The following SORCS2 variants were observed in gnomAD, a reference collection of about 807,000 sequenced individuals.
SORCS2 encodes the protein VPS10 domain-containing receptor SorCS2.
Under a neutral mutation model 141.6 loss-of-function variants are expected in SORCS2, and 100 were observed. The ratio of observed to expected loss-of-function variants is 0.71; its 90% CI spans 0.60 to 0.83. The LOEUF (loss-of-function observed/expected upper bound fraction) is 0.83, where lower values mean the gene tolerates loss of function less well. SORCS2 is among the 40% of genes least tolerant of loss of function. The probability of loss-of-function intolerance (pLI) is 0.00; values close to 1 mark genes in which losing one functional copy is unlikely to be tolerated. For missense variants in SORCS2, 1,646 were observed against 1,560.2 expected, an observed-to-expected ratio of 1.05 and a Z score of -0.93; for synonymous variants, 789 against 676.9, an observed-to-expected ratio of 1.17 and a Z score of -2.57.
At chr4:7,315,291 C>T (rs779599475) in intron 1 of SORCS2, among the ~76,000 whole-genome samples, 4 of 152,196 alleles carry the variant, frequency 2.6e-5, no homozygotes, top group Admixed American at 6.5e-5. Context: ...TGACCATGAT[C>T]GGCTGGTCAC....
chr4:7,694,837 C>T (rs1724492012), intron 11 of SORCS2, among the ~76,000 whole-genome samples: 1 of 152,176 alleles, frequency 6.6e-6, no homozygotes, highest in Non-Finnish European at 1.5e-5. Flanking sequence ...TCTGCCCAGG[C>T]TGCTCCCTCT....
At chr4:7,499,046 T>G (rs1308487203) in intron 2 of SORCS2, among the ~76,000 whole-genome samples, 2 of 151,772 alleles carry the variant, frequency 1.3e-5, no homozygotes, top group African/African-American at 2.4e-5. Context: ...ACAGGGTGCA[T>G]GTGTGTGCAC....
At chr4:7,214,470 G>A (rs546856965) in intron 1 of SORCS2, among the ~76,000 whole-genome samples, 2 of 152,298 alleles carry the variant, frequency 1.3e-5, no homozygotes, top group East Asian at 3.9e-4. Context: ...ATAAACTTCT[G>A]TTCTTTATAA....
At chr4:7,540,187 TGCCCCTCC>T (rs1712504798) in intron 3 of SORCS2, among the ~76,000 whole-genome samples, 2 of 70,150 alleles carry the variant, frequency 2.9e-5, no homozygotes, top group Non-Finnish European at 5.6e-5. Flanking sequence ...TGCCCCTCCC[TGCCCCTCC>T]CTGCCCCTCC....
intron 1 of SORCS2, among the ~76,000 whole-genome samples, chr4:7,302,699 T>G (rs12500563): frequency 0.013 from 1,974 of 151,946 alleles, 20 homozygotes; most frequent in Middle Eastern, 0.062. Context: ...TAAGCTCATT[T>G]TGTCCGTTTG....
intron 2 of SORCS2, among the ~76,000 whole-genome samples, chr4:7,416,554 A>C (rs7668547): frequency 0.21 from 31,942 of 152,076 alleles, 3,915 homozygotes; most frequent in East Asian, 0.46. Context: ...ACGTGCATGC[A>C]TGTGCACATG....
intron 1 of SORCS2, among the ~76,000 whole-genome samples, chr4:7,306,976 C>T (rs573643364): frequency 3.9e-5 from 6 of 152,302 alleles, no homozygotes; most frequent in South Asian, 4.1e-4. Flanking sequence ...CCGTGTGTCC[C>T]GGAGCTGATT....
In SORCS2 at chr4:7,480,787, G is replaced by A. The variant is rs183881243; in HGVS notation, c.549-50743G>A. Among the ~76,000 whole-genome samples the A allele has an allele frequency of 2.4e-4, 36 of 152,368 alleles. No individual in the cohort carries two copies. The East Asian group carries it at 5.8e-3, about 25-fold the overall frequency. On this transcript the variant is annotated intron_variant, in intron 2 of 26. Coordinates refer to ENST00000507866, the MANE Select transcript of SORCS2 (RefSeq NM_020777.3). ...CCAGGCTCCCCAGCTCGCCAGGGCCGCAGGCCGGTGCCTTGGAGGCTTGGC... is the reference window on the plus strand; with the variant it reads ...CCAGGCTCCCCAGCTCGCCAGGGCCACAGGCCGGTGCCTTGGAGGCTTGGC...
intron 2 of SORCS2, among the ~76,000 whole-genome samples, chr4:7,410,497 C>T (rs1169518467): frequency 6.6e-6 from 1 of 152,194 alleles, no homozygotes; most frequent in Non-Finnish European, 1.5e-5. Context: ...AACATTCAGA[C>T]CTCATTGTAG....
At chr4:7,604,406 C>A (rs1179299065) in intron 3 of SORCS2, among the ~76,000 whole-genome samples, 1 of 152,242 alleles carries the variant, frequency 6.6e-6, no homozygotes, top group Non-Finnish European at 1.5e-5. Flanking sequence ...CAAGCTCCGC[C>A]TCCCGGGTTT....
intron 1 of SORCS2, among the ~76,000 whole-genome samples, chr4:7,318,662 G>A (rs866987316): frequency 1.3e-5 from 2 of 152,106 alleles, no homozygotes; most frequent in Non-Finnish European, 2.9e-5. Context: ...CTCAATCATC[G>A]CAGCTACTCA....
chr4:7,270,070 A>C (rs544765638), intron 1 of SORCS2, among the ~76,000 whole-genome samples: 4 of 152,226 alleles, frequency 2.6e-5, no homozygotes, highest in Non-Finnish European at 5.9e-5. Flanking sequence ...TAGTAGGCAC[A>C]GGGTTTTACT....
At chr4:7,221,425 C>T (rs1454749481) in intron 1 of SORCS2, among the ~76,000 whole-genome samples, 1 of 152,118 alleles carries the variant, frequency 6.6e-6, no homozygotes, top group Non-Finnish European at 1.5e-5. Context: ...ACCAGCGGAA[C>T]CAGAGACCGC....
intron 1 of SORCS2, among the ~76,000 whole-genome samples, chr4:7,267,257 T>C (rs1213337603): frequency 6.6e-6 from 1 of 152,204 alleles, no homozygotes; most frequent in Non-Finnish European, 1.5e-5. Flanking sequence ...CTTCCCTGTT[T>C]TACCTAAGCG....
intron 11 of SORCS2, among the ~76,000 whole-genome samples, chr4:7,693,792 C>T (rs963363557): frequency 6.6e-6 from 1 of 152,250 alleles, no homozygotes; most frequent in Non-Finnish European, 1.5e-5. Context: ...AGCACAGTCC[C>T]TTTTTTGGCG....
In SORCS2 at chr4:7,600,656, T is replaced by TACACAC. The variant is rs57789330; in HGVS notation, c.649-37635_649-37630dup. Among the ~76,000 whole-genome samples the TACACAC allele has an allele frequency of 2.7e-3, 386 of 140,980 alleles. 1 individual carries two copies. The highest frequency in any genetic ancestry group is 9.6e-3 in the African/African-American group (350 of 36,632). 92.5% of individuals were successfully genotyped at this position (140,980 alleles called of 152,430 possible). ...TTAGATTACGATATACATATATATA[T>TACACAC]ACACACACACACACACACACACACA... On this transcript the variant is annotated intron_variant, in intron 3 of 26. Coordinates refer to ENST00000507866, the MANE Select transcript of SORCS2 (RefSeq NM_020777.3).
chr4:7,623,944 C>T (rs1719366033), intron 3 of SORCS2, among the ~76,000 whole-genome samples: 1 of 152,144 alleles, frequency 6.6e-6, no homozygotes, highest in African/African-American at 2.4e-5. Flanking sequence ...AGGGCTCTAC[C>T]CCACCAACCC....
At chr4:7,553,093 G>A (rs73214648) in intron 3 of SORCS2, among the ~76,000 whole-genome samples, 3,506 of 152,240 alleles carry the variant, frequency 0.023, 57 homozygotes, top group Middle Eastern at 0.037. Context: ...ATGTGGAGGG[G>A]GCGCTAAGCA....
chr4:7,533,168 G>T (rs933500051), intron 3 of SORCS2, among the ~76,000 whole-genome samples: 1 of 152,316 alleles, frequency 6.6e-6, no homozygotes, highest in South Asian at 2.1e-4. Context: ...GGTGCAGGGG[G>T]CCTGGATTTG....
Sources: gnomAD v4.1 joint callset for allele counts (sites outside exome capture counted in the v4.1 genomes callset) on GRCh38, gnomAD v4.1.1 for gene constraint, MANE v1.5 for transcripts, NCBI Gene and HGNC (gene_info 2026-07-23, HGNC 2026-07-21) for gene names.